ZNF704: variants seen among roughly 807,000 people sequenced by gnomAD.
ZNF704 encodes the protein glucocorticoid induced gene 1.
In ZNF704, 10 loss-of-function variants were observed where a neutral mutation model predicts 44.7. The ratio of observed to expected loss-of-function variants is 0.22; its 90% CI spans 0.14 to 0.38. The LOEUF (loss-of-function observed/expected upper bound fraction) is 0.38, where lower values mean the gene tolerates loss of function less well. Ranked by LOEUF, ZNF704 falls within the 10% of genes least tolerant of loss-of-function variation. The probability of loss-of-function intolerance (pLI) is 1.00; values close to 1 mark genes in which losing one functional copy is unlikely to be tolerated. For synonymous variants in ZNF704, 211 were observed against 207.6 expected (o/e 1.02, Z -0.14); for missense variants, 390 against 545.5 (o/e 0.71, Z 2.84).
intron 2 of ZNF704, among the ~76,000 whole-genome samples, chr8:80,764,566 G>T (rs1025032084): frequency 6.6e-6 from 1 of 152,188 alleles, no homozygotes; most frequent in Non-Finnish European, 1.5e-5. Context: ...TAGCAGGGGA[G>T]ATTTTTTGTG....
intron 2 of ZNF704, among the ~76,000 whole-genome samples, chr8:80,765,430 A>C (rs2131724292): frequency 6.6e-6 from 1 of 152,322 alleles, no homozygotes; most frequent in African/African-American, 2.4e-5. Flanking sequence ...ATTGATGCCT[A>C]AAATTCAGTC....
At chr8:80,761,334 T>C (rs565817322) in intron 2 of ZNF704, among the ~76,000 whole-genome samples, 47 of 152,316 alleles carry the variant, frequency 3.1e-4, no homozygotes, top group Middle Eastern at 3.4e-3. Flanking sequence ...ACTAGTACAA[T>C]TGGTTAAAAG....
intron 7 of ZNF704, among the ~76,000 whole-genome samples, chr8:80,655,595 G>C (rs1261160517): frequency 2.0e-5 from 3 of 152,156 alleles, no homozygotes; most frequent in African/African-American, 7.2e-5. Context: ...ACAACTCTAA[G>C]AGGTAGAACT....
intron 1 of ZNF704, among the ~76,000 whole-genome samples, chr8:80,867,534 CG>C (rs891347333): frequency 2.0e-5 from 3 of 152,126 alleles, no homozygotes; most frequent in African/African-American, 7.2e-5. Flanking sequence ...TCAGTGCCCT[CG>C]GTGGTCAAAT....
At chr8:80,674,541 G>C (rs1030969010) in intron 4 of ZNF704, among the ~76,000 whole-genome samples, 1 of 152,000 alleles carries the variant, frequency 6.6e-6, no homozygotes, top group Non-Finnish European at 1.5e-5. Context: ...GGGTGTTCTG[G>C]CTTTACAACA....
chr8:80,774,333 G>A (rs1807375115), intron 2 of ZNF704, among the ~76,000 whole-genome samples: 1 of 152,086 alleles, frequency 6.6e-6, no homozygotes, highest in Non-Finnish European at 1.5e-5. Flanking sequence ...CCCTCCCAAA[G>A]TGCTGGGATT....
chr8:80,646,260 A>C (rs968570193), intron 7 of ZNF704, among the ~76,000 whole-genome samples: 2 of 152,190 alleles, frequency 1.3e-5, no homozygotes, highest in Non-Finnish European at 2.9e-5. Context: ...TGAATGGATC[A>C]CTTGAGTCCA....
chr8:80,859,778 A>G (rs1163457520), intron 1 of ZNF704, among the ~76,000 whole-genome samples: 1 of 152,182 alleles, frequency 6.6e-6, no homozygotes, highest in Admixed American at 6.5e-5. Flanking sequence ...GCCTCCTTCT[A>G]CTGGATGATT....
intron 1 of ZNF704, among the ~76,000 whole-genome samples, chr8:80,829,783 T>A (rs761635930): frequency 6.6e-6 from 1 of 152,108 alleles, no homozygotes; most frequent in Non-Finnish European, 1.5e-5. Context: ...AAAATTAATC[T>A]CTCAATAGTA....
intron 7 of ZNF704, among the ~76,000 whole-genome samples, chr8:80,654,062 C>A (rs923370648): frequency 6.6e-6 from 1 of 152,124 alleles, no homozygotes; most frequent in Non-Finnish European, 1.5e-5. Flanking sequence ...TGATCTTTGA[C>A]AAACCTGACA....
At chr8:80,845,416 T>G (rs1286533298) in intron 1 of ZNF704, among the ~76,000 whole-genome samples, 1 of 152,248 alleles carries the variant, frequency 6.6e-6, no homozygotes. Context: ...CTACTCACCT[T>G]TCTTCCACTA....
At chr8:80,649,900 G>T (rs982659719) in intron 7 of ZNF704, among the ~76,000 whole-genome samples, 1 of 152,214 alleles carries the variant, frequency 6.6e-6, no homozygotes, top group Non-Finnish European at 1.5e-5. Flanking sequence ...TAGCCTAACT[G>T]GGAGGCATCC....
At chr8:80,842,034 T>C (rs1808689480) in intron 1 of ZNF704, among the ~76,000 whole-genome samples, 1 of 152,220 alleles carries the variant, frequency 6.6e-6, no homozygotes, top group Non-Finnish European at 1.5e-5. Context: ...TGGGCTCAAA[T>C]GATCCTCTTG....
At chr8:80,655,254 G>A (rs1817995789) in intron 7 of ZNF704, among the ~76,000 whole-genome samples, 3 of 151,776 alleles carry the variant, frequency 2.0e-5, no homozygotes, top group Admixed American at 1.3e-4. Flanking sequence ...GTTAATGGGT[G>A]CAGCACACCA....
chr8:80,727,437 T>C (rs1338594509), intron 2 of ZNF704, among the ~76,000 whole-genome samples: 1 of 152,120 alleles, frequency 6.6e-6, no homozygotes, highest in Admixed American at 6.5e-5. Flanking sequence ...GTTTTTGTTT[T>C]TTTTTTTCGT....
Position 80,638,062 on chromosome 8 carries a change from C to G in ZNF704, c.*3304G>C, listed in dbSNP as rs1431594007. 6.6e-6 allele frequency: 1 copy of G among 152,396 alleles called. No homozygotes were observed. Among genetic ancestry groups the G allele is most frequent in the African/African-American group, 2.4e-5 (1 of 41,454 alleles). 9.4% of individuals were successfully genotyped at this position (152,396 alleles called of 1,614,324 possible). On this transcript the variant is annotated 3_prime_UTR_variant, in exon 9 of 9. Coordinates refer to ENST00000327835, the MANE Select transcript of ZNF704 (RefSeq NM_001033723.3). Reference sequence around the variant, plus strand: ...AAGATGAGCAAGAGCCAGGTGTCCACAGCCCTCTTGTACCTCCCCCCTGAC... The same window carrying G: ...AAGATGAGCAAGAGCCAGGTGTCCAGAGCCCTCTTGTACCTCCCCCCTGAC...
intron 2 of ZNF704, among the ~76,000 whole-genome samples, chr8:80,767,849 T>C (rs117672638): frequency 0.02 from 3,092 of 152,290 alleles, 48 homozygotes; most frequent in Middle Eastern, 0.034. Flanking sequence ...ATCAACCCAC[T>C]TTTCGCAGAG....
chr8:80,878,088 AGAACGAGAGTAGGCTTTGGAGT>A (rs1249324342), upstream of ZNF704, among the ~76,000 whole-genome samples: 1 of 152,220 alleles, frequency 6.6e-6, no homozygotes, highest in Non-Finnish European at 1.5e-5. Context: ...CTGCTGCGGA[AGAACGAGAGTAGGCTTTGGAGT>A]GAGCATCACT....
intron 2 of ZNF704, among the ~76,000 whole-genome samples, chr8:80,805,182 C>T (rs1321596763): frequency 6.6e-6 from 1 of 152,128 alleles, no homozygotes; most frequent in Admixed American, 6.5e-5. Flanking sequence ...AGCTTGGGGA[C>T]CCATCTCGTC....
Sources: gnomAD v4.1 joint callset for allele counts (sites outside exome capture counted in the v4.1 genomes callset) on GRCh38, gnomAD v4.1.1 for gene constraint, MANE v1.5 for transcripts, NCBI Gene and HGNC (gene_info 2026-07-23, HGNC 2026-07-21) for gene names.